Variants in LARP4B observed in about 807,000 individuals in gnomAD.
LARP4B encodes la-related protein 4B.
LARP4B carries 12 observed loss-of-function variants against 89.8 expected under a neutral mutation model. The ratio of observed to expected loss-of-function variants is 0.13; its 90% CI spans 0.09 to 0.22. The LOEUF (loss-of-function observed/expected upper bound fraction) is 0.22. Among genes scored for constraint, LARP4B ranks in the 10% least tolerant of loss-of-function variants. LARP4B has a pLI of 1.00. For missense variants in LARP4B, 757 were observed against 947.7 expected, an observed-to-expected ratio of 0.80 and a Z score of 2.64; for synonymous variants, 367 against 363.3, an observed-to-expected ratio of 1.01 and a Z score of -0.12.
intron 15 of LARP4B, among the ~76,000 whole-genome samples, chr10:816,578 T>C (rs1464079987): frequency 6.6e-6 from 1 of 152,176 alleles, no homozygotes; most frequent in African/African-American, 2.4e-5. Flanking sequence ...TGAAGCAGGG[T>C]TGGAGACCTG....
At chr10:842,901 GTAT>G in intron 7 of LARP4B, 28 bp downstream of exon 7, 1 of 1,599,146 alleles carries the variant, frequency 6.3e-7, no homozygotes, top group South Asian at 1.1e-5. Context: ...CTAAGGACAA[GTAT>G]TATTAATTTA....
Position 817,773 on chromosome 10 carries a change from C to T in LARP4B, c.1647G>A (p.Leu549=), listed in dbSNP as rs1426199717. The stretch of plus-strand genomic sequence containing the variant: ...TCAAGCTAGATAGCCTGTTTTCAAA[C>T]AAGTCCTCTGTCTTCAAATTGCCGG... ...GAAGNLKTED[L]FENRLSSLII... is the part of the protein sequence containing the mutation. The change falls in exon 15 of 18, where the codon TTG becomes TTA. Residue 549 remains leucine (L), a synonymous_variant. Coordinates refer to ENST00000316157, the MANE Select transcript of LARP4B (RefSeq NM_015155.3). 1.2e-6 allele frequency: 2 copies of T among 1,614,066 alleles called. No homozygotes were observed. The highest frequency in any genetic ancestry group is 2.7e-5 in the African/African-American group (2 of 74,916).
Position 825,099 on chromosome 10 carries a change from T to C in LARP4B, c.1450A>G (p.Ser484Gly). ...CCTAAACCAGGAGAGGATTCGAGAC[T>C]GCCTGGCTCCACACGCCCAGGCCCA... ...EAGPGRVEPG[S>G]LESSPGLGRG... Residue 484 changes from serine to glycine, a missense_variant, in exon 13 of 18, where the codon AGT becomes GGT. Ser to Gly is a moderately conservative substitution (Grantham distance 56). Transcript: ENST00000316157. The C allele has an allele frequency of 1.2e-6, 2 of 1,614,256 alleles. No homozygotes were observed. The highest frequency in any genetic ancestry group is 1.7e-6 in the Non-Finnish European group (2 of 1,180,034).
At chr10:961,014 G>A in the LARP4B span, among the ~76,000 whole-genome samples, 1 of 152,204 alleles carries the variant, frequency 6.6e-6, no homozygotes, top group Non-Finnish European at 1.5e-5. Flanking sequence ...CGGAAGCCCC[G>A]TGTGGATCCA....
At position 814,190 on chromosome 10, in the gene LARP4B, G is replaced by T. The variant is rs941909595; in HGVS notation, c.1929+552C>A. On this transcript the variant is annotated intron_variant, in intron 17 of 17. Coordinates refer to ENST00000316157, the MANE Select transcript of LARP4B (RefSeq NM_015155.3). The surrounding 1 kb of genome is among the most constrained non-coding windows in gnomAD (Gnocchi z 4.4). ...TAGACTCAGCCCAGGGGACAGTAAG[G>T]GATTAAACTCCCAAATTCAAGGAAA... Among the ~76,000 whole-genome samples the T allele has an allele frequency of 2.6e-5, 4 of 151,838 alleles. No individual in the cohort carries two copies. Among genetic ancestry groups the T allele is most frequent in the African/African-American group, 9.7e-5 (4 of 41,310 alleles).
intron 1 of LARP4B, among the ~76,000 whole-genome samples, chr10:908,176 G>A (rs1301908224): frequency 6.6e-6 from 1 of 152,136 alleles, no homozygotes; most frequent in East Asian, 1.9e-4. Flanking sequence ...TCATGCCACT[G>A]CACTCCAGCC....
chr10:853,732 T>C (rs1314871335), intron 5 of LARP4B, among the ~76,000 whole-genome samples: 1 of 152,220 alleles, frequency 6.6e-6, no homozygotes, highest in Non-Finnish European at 1.5e-5. Flanking sequence ...TTAACGATCA[T>C]CTGAGCCTTC....
the LARP4B span, among the ~76,000 whole-genome samples, chr10:978,618 A>C: frequency 3.9e-5 from 6 of 152,308 alleles, no homozygotes; most frequent in African/African-American, 1.4e-4. Context: ...TCTTAAGTTC[A>C]TCAGTACTTT....
At chr10:893,989 G>A (rs538191333) in intron 1 of LARP4B, among the ~76,000 whole-genome samples, 4 of 152,262 alleles carry the variant, frequency 2.6e-5, no homozygotes, top group East Asian at 3.9e-4. Context: ...CCAAAAAGCT[G>A]ATCAGGGCAA....
chr10:976,185 G>C, the LARP4B span, among the ~76,000 whole-genome samples: 1 of 149,600 alleles, frequency 6.7e-6, no homozygotes. Context: ...GTAGAAGGTA[G>C]GTGCTGCGTA....
the LARP4B span, among the ~76,000 whole-genome samples, chr10:951,764 T>C: frequency 6.6e-6 from 1 of 151,958 alleles, no homozygotes; most frequent in Non-Finnish European, 1.5e-5. Flanking sequence ...CAGAATCAAC[T>C]GCATAACAGA....
At chr10:817,580 CTG>C (rs1002144607) in intron 15 of LARP4B, 143 bp downstream of exon 15, 2 of 762,252 alleles carry the variant, frequency 2.6e-6, no homozygotes, top group Non-Finnish European at 4.3e-6. Flanking sequence ...TACTCCAAAT[CTG>C]TGTGACCTCT....
intron 1 of LARP4B, among the ~76,000 whole-genome samples, chr10:920,958 C>T (rs1325999553): frequency 1.3e-5 from 2 of 152,126 alleles, no homozygotes; most frequent in African/African-American, 4.8e-5. Flanking sequence ...CCTAACCACA[C>T]TTCCCAACAT....
chr10:836,284 T>C, intron 8 of LARP4B, 119 bp downstream of exon 8: 1 of 657,404 alleles, frequency 1.5e-6, no homozygotes, highest in African/African-American at 1.8e-5. Flanking sequence ...ACAGTGTTAA[T>C]GTAAGTACTC....
intron 1 of LARP4B, among the ~76,000 whole-genome samples, chr10:886,082 C>A (rs1835848424): frequency 6.6e-6 from 1 of 151,800 alleles, no homozygotes; most frequent in South Asian, 2.1e-4. Flanking sequence ...GCTTAATATC[C>A]AAGATATATA....
rs544174322 is a variant in LARP4B, at chr10:890,129, A to G, written c.-39-4369T>C. ...CATACATCAGACTGTCAGAAAAAATACCTTTAAAAGTGTAACTATTTTTGT... is the reference window on the plus strand; with the variant it reads ...CATACATCAGACTGTCAGAAAAAATGCCTTTAAAAGTGTAACTATTTTTGT... On this transcript the variant is annotated intron_variant, in intron 1 of 17. Coordinates refer to ENST00000316157, the MANE Select transcript of LARP4B (RefSeq NM_015155.3). 2.6e-5 allele frequency among the ~76,000 whole-genome samples: 4 copies of G among 152,328 alleles called. No homozygotes were observed. In the East Asian group the frequency reaches 5.8e-4, roughly 22 times the overall value.
intron 17 of LARP4B, among the ~76,000 whole-genome samples, chr10:813,589 A>G (rs898285524): frequency 2.6e-5 from 4 of 152,184 alleles, no homozygotes; most frequent in African/African-American, 9.7e-5. Context: ...CACGGTGGGC[A>G]ATGGACCCTC....
downstream of LARP4B, chr10:808,749 A>ACGCG (rs146971606): frequency 5.5e-5 from 8 of 144,754 alleles, no homozygotes; most frequent in Admixed American, 6.8e-5. Context: ...GTGCGTGTGC[A>ACGCG]CGCACACACA....
intron 17 of LARP4B, among the ~76,000 whole-genome samples, chr10:813,442 C>T (rs1017868513): frequency 1.2e-4 from 19 of 152,210 alleles, no homozygotes; most frequent in African/African-American, 4.6e-4. Context: ...AAAGGCATGA[C>T]GAAGAAGAGT....
Sources: gnomAD v4.1 joint callset for allele counts (sites outside exome capture counted in the v4.1 genomes callset) on GRCh38, gnomAD v4.1.1 for gene constraint, Gnocchi (gnomAD v3.1) non-coding constraint, MANE v1.5 for transcripts, NCBI Gene and HGNC (gene_info 2026-07-23, HGNC 2026-07-21) for gene names.